Variants in SMOX observed in about 807,000 individuals in gnomAD.
SMOX encodes the protein spermine oxidase.
In SMOX, 22 loss-of-function variants were observed where a neutral mutation model predicts 51.0. The observed-to-expected ratio is 0.43, with a 90% CI of 0.31 to 0.62. The LOEUF (loss-of-function observed/expected upper bound fraction) is 0.62, where lower values mean the gene tolerates loss of function less well. SMOX is among the 20% of genes least tolerant of loss of function. The probability of loss-of-function intolerance (pLI) is 0.10; values close to 1 mark genes in which losing one functional copy is unlikely to be tolerated. For synonymous variants in SMOX, 282 were observed against 307.8 expected (o/e 0.92, Z 0.88); for missense variants, 566 against 777.7 (o/e 0.73, Z 3.24).
In SMOX at chr20:4,187,546, G is replaced by A; in HGVS notation, c.*139G>A. On this transcript the variant is annotated 3_prime_UTR_variant, in exon 7 of 7. Transcript: ENST00000305958. This position sits in a 1 kb window ranked among gnomAD's most constrained non-coding sequence, Gnocchi z 4.8. Reference sequence around the variant, plus strand: ...GAGCTAGCCGCCCTGACTGCCTTCAGACCTGGCCCTGTAGCTTTTCTTTTT... The same window carrying A: ...GAGCTAGCCGCCCTGACTGCCTTCAAACCTGGCCCTGTAGCTTTTCTTTTT... 1 of 1,274,596 alleles carries A rather than the reference G, an allele frequency of 7.8e-7. No homozygotes were observed. The highest frequency in any genetic ancestry group is 1.1e-6 in the Non-Finnish European group (1 of 935,550). The allele number at this position is 1,274,596 out of a possible 1,614,324, so 79.0% of individuals were successfully genotyped here.
Position 4,187,548 on chromosome 20 carries a change from C to G in SMOX, c.*141C>G. On this transcript the variant is annotated 3_prime_UTR_variant, in exon 7 of 7. Transcript: ENST00000305958. This position sits in a 1 kb window ranked among gnomAD's most constrained non-coding sequence, Gnocchi z 4.8. ...GCTAGCCGCCCTGACTGCCTTCAGA[C>G]CTGGCCCTGTAGCTTTTCTTTTTCT... 8.0e-7 allele frequency: 1 copy of G among 1,254,622 alleles called. No homozygotes were observed. Among genetic ancestry groups the G allele is most frequent in the East Asian group, 2.4e-5 (1 of 41,382 alleles). The allele number at this position is 1,254,622 out of a possible 1,614,324, so 77.7% of individuals were successfully genotyped here. A position where few individuals can be genotyped will look rare whatever the true frequency, so the allele number is the denominator to read the frequency against.
chr20:4,186,276 C>G (rs116468048), intron 6 of SMOX, among the ~76,000 whole-genome samples: 140 of 152,280 alleles, frequency 9.2e-4, no homozygotes, highest in African/African-American at 3.1e-3. Flanking sequence ...TTACTGCACT[C>G]CAACTGGGGC....
chr20:4,171,321 A>T (rs753809471), intron 1 of SMOX, among the ~76,000 whole-genome samples: 3 of 152,220 alleles, frequency 2.0e-5, no homozygotes, highest in Admixed American at 6.5e-5. Flanking sequence ...AAACGATGAC[A>T]CAAACCAACA....
At chr20:4,157,940 G>A (rs558698462) in intron 1 of SMOX, among the ~76,000 whole-genome samples, 3,331 of 150,798 alleles carry the variant, frequency 0.022, 44 homozygotes, top group Middle Eastern at 0.048. Flanking sequence ...TCGCTCTGTC[G>A]CCCAGGCTGG....
intron 1 of SMOX, among the ~76,000 whole-genome samples, chr20:4,174,458 G>T (rs1978668814): frequency 6.6e-6 from 1 of 151,676 alleles, no homozygotes; most frequent in Non-Finnish European, 1.5e-5. Flanking sequence ...GAGTATCCTG[G>T]GGGGTCTGTG....
chr20:4,151,173 C>A (rs1985734861), intron 1 of SMOX, among the ~76,000 whole-genome samples: 1 of 152,074 alleles, frequency 6.6e-6, no homozygotes, highest in Non-Finnish European at 1.5e-5. Context: ...GAGCACAACT[C>A]CACCAAGAGC....
intron 3 of SMOX, among the ~76,000 whole-genome samples, chr20:4,180,697 A>G (rs886135089): frequency 1.3e-5 from 2 of 151,790 alleles, no homozygotes; most frequent in African/African-American, 2.4e-5. Flanking sequence ...AGCAAAACCA[A>G]ACCCCTTCAG....
rs1217626504 is a variant in SMOX at position 4,177,384 on chromosome 20, TCCATGGCTC to T, written c.249_257del (p.Ser84_Gly86del). 6 of 1,553,674 alleles carry T rather than the reference TCCATGGCTC, an allele frequency of 3.9e-6. No homozygotes were observed. Among genetic ancestry groups the T allele is most frequent in the Non-Finnish European group, 5.2e-6 (6 of 1,148,046 alleles). On this transcript the variant is annotated inframe_deletion, in exon 3 of 7. Coordinates refer to ENST00000305958, the MANE Select transcript of SMOX (RefSeq NM_175839.3). The surrounding 1 kb of genome is among the most constrained non-coding windows in gnomAD (Gnocchi z 4.3). ...ACCTTTGAGCTGGGAGCCACCTGGA[TCCATGGCTC>T]CCATGGGAACCCTATCTATCATCTA...
Position 4,182,044 on chromosome 20 carries a change from C to T in SMOX, c.610-45C>T. On this transcript the variant is annotated intron_variant, in intron 4 of 6. Transcript: ENST00000305958. The surrounding 1 kb of genome is among the most constrained non-coding windows in gnomAD (Gnocchi z 8.4). ...GAGGGCTACGCTGCTCCTACCCCTG[C>T]CCAACCCCGGCGGTCACCTGGCTTC... 1 of 1,589,234 alleles carries T rather than the reference C, an allele frequency of 6.3e-7. No homozygotes were observed. Among genetic ancestry groups the T allele is most frequent in the Non-Finnish European group, 8.6e-7 (1 of 1,165,948 alleles).
chr20:4,156,435 C>T (rs1986023270), intron 1 of SMOX, among the ~76,000 whole-genome samples: 1 of 152,136 alleles, frequency 6.6e-6, no homozygotes, highest in Non-Finnish European at 1.5e-5. Context: ...CCTCTGAGGC[C>T]TCAGTTTCTT....
intron 1 of SMOX, among the ~76,000 whole-genome samples, chr20:4,150,382 C>T (rs1985677805): frequency 1.3e-5 from 2 of 152,184 alleles, no homozygotes; most frequent in Admixed American, 6.5e-5. Context: ...AAGTCTTCTT[C>T]CACCTCTCCT....
At position 4,183,185 on chromosome 20, in the gene SMOX, A is replaced by T. The variant is rs1040857486; in HGVS notation, c.1370-309A>T. ...TCTTTCAGCTCAACATTTTTCACCC[A>T]CTATTCCAGGAGGACCTCACGAGAA... On this transcript the variant is annotated intron_variant, in intron 5 of 6. Transcript: ENST00000305958. This position sits in a 1 kb window ranked among gnomAD's most constrained non-coding sequence, Gnocchi z 4.3. The T allele has an allele frequency of 2.1e-5, 12 of 562,958 alleles. No homozygotes were observed. The highest frequency in any genetic ancestry group is 1.7e-4 in the African/African-American group (9 of 53,108). The allele number at this position is 562,958 out of a possible 1,614,324, so 34.9% of individuals were successfully genotyped here. A position where few individuals can be genotyped will look rare whatever the true frequency, so the allele number is the denominator to read the frequency against.
intron 1 of SMOX, among the ~76,000 whole-genome samples, chr20:4,158,607 A>G (rs117910398): frequency 0.01 from 1,577 of 152,280 alleles, 17 homozygotes; most frequent in Non-Finnish European, 0.017. Flanking sequence ...CAAAGAATCT[A>G]GCCACCCCTG....
At chr20:4,168,731 AT>A (rs1189397916) in intron 1 of SMOX, among the ~76,000 whole-genome samples, 2 of 151,514 alleles carry the variant, frequency 1.3e-5, no homozygotes, top group Non-Finnish European at 2.9e-5. Context: ...TAATTTTTGT[AT>A]TTTTAGTAGA....
intron 2 of SMOX, 115 bp downstream of exon 2, chr20:4,175,378 C>A: frequency 1.6e-6 from 2 of 1,240,188 alleles, no homozygotes; most frequent in South Asian, 3.0e-5. Context: ...TTCCATCATG[C>A]ATCCTGCCTG....
chr20:4,184,923 T>C (rs1332283260), intron 6 of SMOX, among the ~76,000 whole-genome samples: 1 of 152,222 alleles, frequency 6.6e-6, no homozygotes, highest in African/African-American at 2.4e-5. Context: ...GGCTCTCATC[T>C]TCAAGACCAT....
intron 1 of SMOX, among the ~76,000 whole-genome samples, chr20:4,163,820 G>A (rs970375332): frequency 6.6e-6 from 1 of 152,188 alleles, no homozygotes; most frequent in Non-Finnish European, 1.5e-5. Context: ...ATGGTGACTG[G>A]CTTCTCCCAG....
chr20:4,165,301 G>A (rs535409386), intron 1 of SMOX, among the ~76,000 whole-genome samples: 56 of 152,010 alleles, frequency 3.7e-4, no homozygotes, highest in African/African-American at 9.6e-4. Context: ...TGATCCGCCC[G>A]CCTTGGCCTC....
rs1320383340 is a variant in SMOX at position 4,153,158 on chromosome 20, T to C, written c.-27+4181T>C. Among the ~76,000 whole-genome samples, 1 of 152,122 alleles carries C rather than the reference T, an allele frequency of 6.6e-6. No homozygotes were observed. Among genetic ancestry groups the C allele is most frequent in the Non-Finnish European group, 1.5e-5 (1 of 68,018 alleles). On this transcript the variant is annotated intron_variant, in intron 1 of 6. Transcript: ENST00000305958. This position sits in a 1 kb window ranked among gnomAD's most constrained non-coding sequence, Gnocchi z 4.4. ...CCCCACTTTTTCTTCCAGGAGGGGCTCCGGACCCAGGCCAATGGGTTGGGC... is the reference window on the plus strand; with the variant it reads ...CCCCACTTTTTCTTCCAGGAGGGGCCCCGGACCCAGGCCAATGGGTTGGGC...
Sources: allele counts gnomAD v4.1 joint callset (sites outside exome capture counted in the v4.1 genomes callset), GRCh38; gene constraint gnomAD v4.1.1; non-coding constraint Gnocchi (gnomAD v3.1); transcripts MANE v1.5; gene names NCBI Gene and HGNC (gene_info 2026-07-23, HGNC 2026-07-21).